AMPD1: variants seen among roughly 807,000 people sequenced by gnomAD.
AMPD1 encodes the protein AMP deaminase 1.
A neutral mutation model predicts 82.9 loss-of-function variants in AMPD1; 74 were observed. The ratio of observed to expected loss-of-function variants is 0.89; its 90% CI spans 0.74 to 1.08. The LOEUF (loss-of-function observed/expected upper bound fraction) is 1.08, where lower values mean the gene tolerates loss of function less well. Ranked by LOEUF, AMPD1 falls within the 50% of genes least tolerant of loss-of-function variation. AMPD1 has a pLI of 0.00. For missense variants in AMPD1, 881 were observed against 924.5 expected (o/e 0.95, Z 0.61); for synonymous variants, 333 against 320.5 (o/e 1.04, Z -0.42).
Position 114,684,297 on chromosome 1 carries a change from T to C in AMPD1, c.449A>G (p.Tyr150Cys), listed in dbSNP as rs1658247391. 1 of 1,614,002 alleles carries C rather than the reference T, an allele frequency of 6.2e-7. No homozygotes were observed. The highest frequency in any genetic ancestry group is 1.7e-5 in the Admixed American group (1 of 60,006). The change falls in exon 5 of 16, where the codon TAC becomes TGC. Residue 150 changes from tyrosine to cysteine, a missense_variant. Physicochemically the swap from Tyr to Cys is radical, Grantham distance 194. Transcript: ENST00000520113. ...LYRALCIREK[Y>C]MQKSFQRFPK... ...GAACCTCTGAAACGACTTCTGCATG[T>C]ATTTCTCACGTATGCATAGTGCCCG...
intron 1 of AMPD1, among the ~76,000 whole-genome samples, chr1:114,693,718 T>G (rs1658589962): frequency 6.6e-6 from 1 of 152,218 alleles, no homozygotes; most frequent in East Asian, 1.9e-4. Context: ...TTTAAAAATA[T>G]CTGATGAAGA....
intron 7 of AMPD1, among the ~76,000 whole-genome samples, chr1:114,678,754 T>G (rs895527447): frequency 2.0e-5 from 3 of 152,210 alleles, no homozygotes; most frequent in Non-Finnish European, 4.4e-5. Context: ...AATGCTTGCT[T>G]CTTCTGTATA....
At chr1:114,682,581 C>CTTTTT (rs538227539) in intron 5 of AMPD1, among the ~76,000 whole-genome samples, 1 of 141,290 alleles carries the variant, frequency 7.1e-6, no homozygotes, top group Non-Finnish European at 1.6e-5. Flanking sequence ...CTTCAAAAAT[C>CTTTTT]TTTTTTTTTT....
chr1:114,676,076 C>A (rs1010991960), intron 10 of AMPD1, 73 bp from the exon 11 acceptor site: 3 of 1,531,636 alleles, frequency 2.0e-6, no homozygotes, highest in African/African-American at 2.7e-5. Flanking sequence ...ATGAGGGAAC[C>A]AGAGAATCGA....
chr1:114,684,098 T>A (rs770914947), intron 5 of AMPD1, 101 bp downstream of exon 5: 91 of 1,288,750 alleles, frequency 7.1e-5, no homozygotes, highest in Non-Finnish European at 9.2e-5. Flanking sequence ...GACTATGATA[T>A]TTTTAGACTG....
intron 2 of AMPD1, among the ~76,000 whole-genome samples, chr1:114,692,156 G>A (rs1368289027): frequency 6.6e-6 from 1 of 152,154 alleles, no homozygotes; most frequent in Non-Finnish European, 1.5e-5. Flanking sequence ...AACACAGGAA[G>A]TGCAAGACTC....
At chr1:114,677,226 A>G in intron 10 of AMPD1, 125 bp downstream of exon 10, 1 of 1,307,920 alleles carries the variant, frequency 7.6e-7, no homozygotes, top group Non-Finnish European at 1.1e-6. Context: ...AGGACCCGAT[A>G]GTGAATGCTG....
Position 114,693,418 on chromosome 1 carries a change from A to C in AMPD1, c.34+18T>G, listed in dbSNP as rs775753525. ...TTGATACTCTGACAAATGGCAGCAA[A>C]AGTAATGCAATACTCACGTTTCTCT... On this transcript the variant is annotated intron_variant, in intron 2 of 15. Coordinates refer to ENST00000520113, the MANE Select transcript of AMPD1 (RefSeq NM_000036.3). The C allele has an allele frequency of 3.1e-6, 5 of 1,609,162 alleles. No individual in the cohort carries two copies.
intron 5 of AMPD1, among the ~76,000 whole-genome samples, chr1:114,680,953 G>A (rs559047472): frequency 6.6e-6 from 1 of 152,218 alleles, no homozygotes; most frequent in South Asian, 2.1e-4. Context: ...AGGCGACAGA[G>A]GGAGACCCTG....
chr1:114,674,893 T>A, intron 12 of AMPD1, 21 bp from the exon 13 acceptor site: 1 of 1,614,066 alleles, frequency 6.2e-7, no homozygotes, highest in Non-Finnish European at 8.5e-7. Flanking sequence ...AGAACTGCTA[T>A]TGGAATCGCA....
chr1:114,683,140 A>G (rs768349965), intron 5 of AMPD1: 6 of 463,506 alleles, frequency 1.3e-5, no homozygotes, highest in South Asian at 8.1e-5. Context: ...GGCAGAAGGT[A>G]AAAACTGAGA....
chr1:114,691,263 C>T (rs1043060721), intron 2 of AMPD1, among the ~76,000 whole-genome samples: 12 of 152,088 alleles, frequency 7.9e-5, no homozygotes, highest in Non-Finnish European at 1.5e-4. Context: ...AAAAATACCT[C>T]GGGGAGTGGG....
chr1:114,677,252 T>C, intron 10 of AMPD1, 99 bp downstream of exon 10: 1 of 1,527,412 alleles, frequency 6.5e-7, no homozygotes, highest in South Asian at 1.2e-5. Flanking sequence ...ACAAAGCTGA[T>C]TTATTTCTAG....
intron 2 of AMPD1, among the ~76,000 whole-genome samples, chr1:114,689,689 T>A (rs1419102721): frequency 6.6e-6 from 1 of 152,166 alleles, no homozygotes; most frequent in Non-Finnish European, 1.5e-5. Flanking sequence ...TGGTAGTGCA[T>A]GCCTGTAATC....
At chr1:114,680,590 A>G in intron 5 of AMPD1, 112 bp from the exon 6 acceptor site, 1 of 888,326 alleles carries the variant, frequency 1.1e-6, no homozygotes, top group Non-Finnish European at 1.8e-6. Context: ...TCCGGTACTT[A>G]AGTTGTAATT....
At chr1:114,683,160 A>G (rs761207123) in intron 5 of AMPD1, 2 of 465,726 alleles carry the variant, frequency 4.3e-6, no homozygotes, top group South Asian at 3.2e-5. Flanking sequence ...ATAAGTAAAT[A>G]AAGTGCTATG....
chr1:114,682,629 A>AT (rs1179949871), intron 5 of AMPD1, among the ~76,000 whole-genome samples: 1 of 149,618 alleles, frequency 6.7e-6, no homozygotes, highest in Non-Finnish European at 1.5e-5. Context: ...CCCAGGCTGG[A>AT]GTGCAGTGGC....
In AMPD1 at chr1:114,677,307, G is replaced by A. The variant is rs542286690; in HGVS notation, c.1388+44C>T. 6.4e-4 allele frequency: 1,034 copies of A among 1,608,836 alleles called. 21 individuals carry two copies. In the South Asian group the frequency reaches 0.011, roughly 17 times the overall value. On this transcript the variant is annotated intron_variant, in intron 10 of 15. Coordinates refer to ENST00000520113, the MANE Select transcript of AMPD1 (RefSeq NM_000036.3). ...TTCATACAGGGGACTTGAAGCAGAT[G>A]AGACAAGGGCAGGCTCTAGAGTTTC... is the stretch of plus-strand genomic sequence containing the variant.
rs575801549 is a variant in AMPD1, at chr1:114,674,929, A to G, written c.1680-57T>C. On this transcript the variant is annotated intron_variant, in intron 12 of 15. Coordinates refer to ENST00000520113, the MANE Select transcript of AMPD1 (RefSeq NM_000036.3). ...GGTTCTGGGTATGGAGTGATTCACAAGAAAATTCAGTAGAAAAGTGAACAC... is the reference window on the plus strand; with the variant it reads ...GGTTCTGGGTATGGAGTGATTCACAGGAAAATTCAGTAGAAAAGTGAACAC... 6 of 1,607,932 alleles carry G rather than the reference A, an allele frequency of 3.7e-6. No individual in the cohort carries two copies. The Admixed American group carries it at 5.0e-5, about 13-fold the overall frequency.
Sources: gnomAD v4.1 joint callset for allele counts (sites outside exome capture counted in the v4.1 genomes callset) on GRCh38, gnomAD v4.1.1 for gene constraint, MANE v1.5 for transcripts, NCBI Gene and HGNC (gene_info 2026-07-23, HGNC 2026-07-21) for gene names.